ST6GALNAC6: variants seen among roughly 807,000 people sequenced by gnomAD.
ST6GALNAC6 encodes alpha-N-acetylgalactosaminide alpha-2,6-sialyltransferase 6.
In ST6GALNAC6, 19 loss-of-function variants were observed where a neutral mutation model predicts 34.3. The observed-to-expected ratio is 0.55, with a 90% CI of 0.39 to 0.81. The LOEUF (loss-of-function observed/expected upper bound fraction) is 0.81, where lower values mean the gene tolerates loss of function less well. Ranked by LOEUF, ST6GALNAC6 falls within the 40% of genes least tolerant of loss-of-function variation. The probability of loss-of-function intolerance (pLI) is 0.00; values close to 1 mark genes in which losing one functional copy is unlikely to be tolerated. For missense variants in ST6GALNAC6, 377 were observed against 467.7 expected (o/e 0.81, Z 1.79); for synonymous variants, 185 against 182.1 (o/e 1.02, Z -0.13).
At chr9:127,900,984 T>C (rs1174534437), upstream of ST6GALNAC6, among the ~76,000 whole-genome samples, 7 of 31,306 alleles carry the variant, frequency 2.2e-4, no homozygotes, top group Admixed American at 5.9e-4. Flanking sequence ...AGGGCTAAAC[T>C]CCCTATCAAA....
Position 127,886,411 on chromosome 9 carries a change from C to T in ST6GALNAC6, c.*188G>A. ...CACCCCTGATTAACCGCATAGACTCCCAAATCCCTGATTCGCCAACAGATT... is the reference window on the plus strand; with the variant it reads ...CACCCCTGATTAACCGCATAGACTCTCAAATCCCTGATTCGCCAACAGATT... On this transcript the variant is annotated 3_prime_UTR_variant, in exon 7 of 7. Transcript: ENST00000373146. The T allele has an allele frequency of 7.0e-7, 1 of 1,436,900 alleles. No homozygotes were observed. Among genetic ancestry groups the T allele is most frequent in the Non-Finnish European group, 9.1e-7 (1 of 1,097,918 alleles). 89.0% of individuals were successfully genotyped at this position (1,436,900 alleles called of 1,614,324 possible).
At chr9:127,901,007 A>AAAAAAAAAAAC (rs1830738699), upstream of ST6GALNAC6, among the ~76,000 whole-genome samples, 1 of 151,048 alleles carries the variant, frequency 6.6e-6, no homozygotes, top group East Asian at 1.9e-4. Flanking sequence ...AAAAAAAAAA[A>AAAAAAAAAAAC]AAAAAAAAAA....
chr9:127,890,752 C>A lies in ST6GALNAC6; in HGVS notation c.589G>T (p.Val197Leu), dbSNP rs151187187. The A allele has an allele frequency of 2.4e-5, 39 of 1,612,826 alleles. No homozygotes were observed. In the African/African-American group the frequency reaches 4.7e-4, roughly 19 times the overall value. The change falls in exon 5 of 7, where the codon GTG becomes TTG. Residue 197 changes from valine to leucine, a missense_variant. Coordinates refer to ENST00000373146, the MANE Select transcript of ST6GALNAC6 (RefSeq NM_013443.5). This position sits in a 1 kb window ranked among gnomAD's most constrained non-coding sequence, Gnocchi z 4.3. Reference protein sequence around the residue: ...SKMQKPQGSLVRVIQRAGLVF... With the variant: ...SKMQKPQGSLLRVIQRAGLVF... Reference sequence around the variant, plus strand: ...AGGCCCGCTCGCTGGATCACACGCACGAGGCTGCCCTGGGGCTTCTGCATC... The same window carrying A: ...AGGCCCGCTCGCTGGATCACACGCAAGAGGCTGCCCTGGGGCTTCTGCATC...
At chr9:127,897,162 T>A in intron 2 of ST6GALNAC6, 1 of 984,912 alleles carries the variant, frequency 1.0e-6, no homozygotes, top group Non-Finnish European at 1.2e-6. Flanking sequence ...AATCTCTTCC[T>A]CTCCCACAAC....
chr9:127,894,688 G>A lies in ST6GALNAC6; in HGVS notation c.121C>T (p.Gln41Ter). The A allele has an allele frequency of 6.2e-7, 1 of 1,613,842 alleles. No individual in the cohort carries two copies. The highest frequency in any genetic ancestry group is 2.2e-5 in the East Asian group (1 of 44,880). Reference sequence around the variant, plus strand: ...AGGATCACGAACACTGCTGACCGCTGCTCCTGGAGAGAGGAGAGGTCAGTG... The same window carrying A: ...AGGATCACGAACACTGCTGACCGCTACTCCTGGAGAGAGGAGAGGTCAGTG... Reference protein sequence around the residue: ...RRREMSSNKEQRSAVFVILFA... With the variant: ...RRREMSSNKE The change falls in exon 4 of 7, where the codon CAG becomes TAG. Residue 41 changes from glutamine (Q) to a stop codon, truncating the protein, a stop_gained. Transcript: ENST00000373146. LOFTEE classifies it high-confidence loss of function.
chr9:127,886,452 G>T lies in ST6GALNAC6; in HGVS notation c.*147C>A, dbSNP rs532475193. The T allele has an allele frequency of 3.1e-4, 443 of 1,448,220 alleles. 6 individuals carry two copies. In the East Asian group the frequency reaches 9.8e-3, roughly 32 times the overall value. 89.7% of individuals were successfully genotyped at this position (1,448,220 alleles called of 1,614,324 possible). On this transcript the variant is annotated 3_prime_UTR_variant, in exon 7 of 7. Transcript: ENST00000373146. ...CCAACAGATTCCCCAGGCCCTGATT[G>T]GCTGGAGGATACATCCTCCTCAAGG...
In ST6GALNAC6 at chr9:127,886,131, C is replaced by T. The variant is rs1829739624; in HGVS notation, c.*468G>A. 1.1e-5 allele frequency: 2 copies of T among 189,826 alleles called. No individual in the cohort carries two copies. The highest frequency in any genetic ancestry group is 2.3e-5 in the African/African-American group (1 of 42,866). The allele number at this position is 189,826 out of a possible 1,614,324, so 11.8% of individuals were successfully genotyped here. Reference sequence around the variant, plus strand: ...TCCACAACCCCACAAATTCTCTGGCCGGGCCTCCAGACAGCTTCTACCCCC... The same window carrying T: ...TCCACAACCCCACAAATTCTCTGGCTGGGCCTCCAGACAGCTTCTACCCCC... On this transcript the variant is annotated 3_prime_UTR_variant, in exon 7 of 7. Coordinates refer to ENST00000373146, the MANE Select transcript of ST6GALNAC6 (RefSeq NM_013443.5).
upstream of ST6GALNAC6, chr9:127,905,345 G>GCATCACTC: frequency 2.0e-6 from 2 of 985,586 alleles, no homozygotes; most frequent in Non-Finnish European, 2.4e-6. Flanking sequence ...AGTGACTGAC[G>GCATCACTC]CATCACTCCT....
chr9:127,890,783 CG>C lies in ST6GALNAC6; in HGVS notation c.557del (p.Pro186ArgfsTer14). ...TGCCCTGGGGCTTCTGCATCTTGCT[CG>C]GGGGCCCCCAGAAGATGAACACGGT... ...PETVFIFWGP[P>X]SKMQKPQGSL... On this transcript the variant is annotated frameshift_variant, in exon 5 of 7. Transcript: ENST00000373146. LOFTEE classifies it high-confidence loss of function. This position sits in a 1 kb window ranked among gnomAD's most constrained non-coding sequence, Gnocchi z 4.3. 6.2e-7 allele frequency: 1 copy of C among 1,612,266 alleles called. No individual in the cohort carries two copies.
At position 127,886,778 on chromosome 9, in the gene ST6GALNAC6, G is replaced by A. The variant is rs765540671; in HGVS notation, c.823C>T (p.Arg275Cys). 3.1e-6 allele frequency: 5 copies of A among 1,606,262 alleles called. No individual in the cohort carries two copies. The highest frequency in any genetic ancestry group is 4.3e-6 in the Non-Finnish European group (5 of 1,175,616). The change falls in exon 7 of 7, where the codon CGC becomes TGC. Residue 275 changes from arginine to cysteine, a missense_variant. Physicochemically the swap from Arg to Cys is radical, Grantham distance 180. Transcript: ENST00000373146. Reference protein sequence around the residue: ...VPPNYCSQRPRLQRMPYHYYE... With the variant: ...VPPNYCSQRPCLQRMPYHYYE... Reference sequence around the variant, plus strand: ...TAGTGGTAGGGCATGCGCTGGAGGCGGGGCCGCTGGCTGGGACAGAGCAGA... The same window carrying A: ...TAGTGGTAGGGCATGCGCTGGAGGCAGGGCCGCTGGCTGGGACAGAGCAGA...
At chr9:127,893,582 A>C (rs983153208) in intron 4 of ST6GALNAC6, among the ~76,000 whole-genome samples, 14 of 151,886 alleles carry the variant, frequency 9.2e-5, no homozygotes, top group African/African-American at 3.4e-4. Context: ...CTCGACTGGC[A>C]CTCCCACTTT....
At chr9:127,905,967 C>T (rs1830906685), upstream of ST6GALNAC6, 2 of 985,594 alleles carry the variant, frequency 2.0e-6, no homozygotes, top group African/African-American at 3.5e-5. Flanking sequence ...GCTCCTCGCT[C>T]CGTGCTGTGG....
chr9:127,900,178 A>G (rs1830698848), upstream of ST6GALNAC6, among the ~76,000 whole-genome samples: 1 of 152,240 alleles, frequency 6.6e-6, no homozygotes, highest in South Asian at 2.1e-4. Flanking sequence ...TCTACGTGAT[A>G]GGGAAAAATA....
At chr9:127,889,834 T>C (rs945277517) in intron 5 of ST6GALNAC6, among the ~76,000 whole-genome samples, 2 of 152,212 alleles carry the variant, frequency 1.3e-5, no homozygotes, top group Non-Finnish European at 1.5e-5. Context: ...AGCTCCAAAA[T>C]TTTTTAAATA....
Position 127,890,985 on chromosome 9 carries a change from C to T in ST6GALNAC6, c.356G>A (p.Gly119Asp). The change falls in exon 5 of 7, where the codon GGC (glycine) becomes GAC (aspartate). Residue 119 changes from glycine (G) to aspartate (D), a missense_variant. Gly to Asp is a moderately conservative substitution (Grantham distance 94). Transcript: ENST00000373146. The surrounding 1 kb of genome is among the most constrained non-coding windows in gnomAD (Gnocchi z 4.3). Reference sequence around the variant, plus strand: ...CTCGATCTCAGGGCCCAGCTTGGTGCCCAGCAGGTGGCTGGAGCTGCTGAC... The same window carrying T: ...CTCGATCTCAGGGCCCAGCTTGGTGTCCAGCAGGTGGCTGGAGCTGCTGAC... Reference protein sequence around the residue: ...VIVSSSSHLLGTKLGPEIERA... With the variant: ...VIVSSSSHLLDTKLGPEIERA... 2 of 1,614,122 alleles carry T rather than the reference C, an allele frequency of 1.2e-6. No homozygotes were observed. The highest frequency in any genetic ancestry group is 1.7e-6 in the Non-Finnish European group (2 of 1,180,032).
chr9:127,901,094 A>T (rs1469745757), upstream of ST6GALNAC6, among the ~76,000 whole-genome samples: 2 of 151,572 alleles, frequency 1.3e-5, no homozygotes, highest in African/African-American at 2.4e-5. Flanking sequence ...ATTCTTGCAG[A>T]TGTGCCCAAG....
At chr9:127,899,655 G>C, upstream of ST6GALNAC6, 1 of 983,794 alleles carries the variant, frequency 1.0e-6, no homozygotes, top group Non-Finnish European at 1.2e-6. Context: ...GCCCGGCCCA[G>C]GCCTGGGAGG....
upstream of ST6GALNAC6, chr9:127,905,479 T>C: frequency 6.1e-6 from 6 of 979,166 alleles, no homozygotes; most frequent in Non-Finnish European, 7.3e-6. Flanking sequence ...GGTCAGCCTT[T>C]TCCCAGGGGA....
At chr9:127,897,142 C>T (rs924026771) in intron 2 of ST6GALNAC6, 7 of 982,194 alleles carry the variant, frequency 7.1e-6, no homozygotes, top group East Asian at 1.1e-4. Flanking sequence ...AGCTCTGCTC[C>T]GCACACCCCA....
Sources: allele counts gnomAD v4.1 joint callset (sites outside exome capture counted in the v4.1 genomes callset), GRCh38; gene constraint gnomAD v4.1.1; non-coding constraint Gnocchi (gnomAD v3.1); transcripts MANE v1.5; gene names NCBI Gene and HGNC (gene_info 2026-07-23, HGNC 2026-07-21).